The following ERG variants were observed in gnomAD, a reference collection of about 807,000 sequenced individuals.
ERG encodes the protein ETS transcription factor ERG, also known as transcriptional regulator ERG.
ERG carries 9 observed loss-of-function variants against 55.3 expected under a neutral mutation model. That is an observed-to-expected ratio of 0.16 (90% confidence interval 0.10 to 0.28). ERG has a LOEUF of 0.28. Ranked by LOEUF, ERG falls within the 10% of genes least tolerant of loss-of-function variation. The pLI is 1.00. For missense variants in ERG, 434 were observed against 631.6 expected, an observed-to-expected ratio of 0.69 and a Z score of 3.35; for synonymous variants, 223 against 237.3, an observed-to-expected ratio of 0.94 and a Z score of 0.55.
At chr21:38,484,131 A>C (rs1239990398) in intron 1 of ERG, among the ~76,000 whole-genome samples, 1 of 152,082 alleles carries the variant, frequency 6.6e-6, no homozygotes. Context: ...CGCCTGGCTA[A>C]TTTTTTGTAT....
intron 3 of ERG, among the ~76,000 whole-genome samples, chr21:38,419,722 TC>T (rs1989450642): frequency 6.6e-6 from 1 of 152,034 alleles, no homozygotes; most frequent in African/African-American, 2.4e-5. Context: ...CATTTATCCT[TC>T]AGGGACATTT....
intron 2 of ERG, among the ~76,000 whole-genome samples, chr21:38,565,242 T>C (rs768192867): frequency 6.6e-6 from 1 of 152,194 alleles, no homozygotes; most frequent in Non-Finnish European, 1.5e-5. Flanking sequence ...GGCCTCCTAA[T>C]TGGTCTTCCC....
intron 2 of ERG, among the ~76,000 whole-genome samples, chr21:38,507,438 T>A (rs568700394): frequency 6.6e-6 from 1 of 152,344 alleles, no homozygotes; most frequent in East Asian, 1.9e-4. Flanking sequence ...AAGGCAGCCA[T>A]CTTCCCGGAG....
chr21:38,600,070 T>C (rs1308462584), intron 1 of ERG, among the ~76,000 whole-genome samples: 2 of 151,848 alleles, frequency 1.3e-5, no homozygotes, highest in African/African-American at 4.8e-5. Flanking sequence ...AGGCACGAGG[T>C]TGGTGACAGG....
At chr21:38,531,413 T>G (rs1239286630) in intron 2 of ERG, among the ~76,000 whole-genome samples, 1 of 152,184 alleles carries the variant, frequency 6.6e-6, no homozygotes. Flanking sequence ...AAATCACCAT[T>G]TACAGTGTTT....
At chr21:38,637,835 G>A (rs985573581) in intron 1 of ERG, among the ~76,000 whole-genome samples, 1 of 151,704 alleles carries the variant, frequency 6.6e-6, no homozygotes, top group African/African-American at 2.4e-5. Context: ...GTGTGTGTGT[G>A]TACACATGTG....
chr21:38,531,656 T>TA (rs1269458847), intron 2 of ERG, among the ~76,000 whole-genome samples: 1 of 152,202 alleles, frequency 6.6e-6, no homozygotes, highest in Non-Finnish European at 1.5e-5. Context: ...CTCAAGAGAT[T>TA]AAAAATCATG....
At chr21:38,536,922 A>C (rs1422153760) in intron 2 of ERG, among the ~76,000 whole-genome samples, 1 of 152,206 alleles carries the variant, frequency 6.6e-6, no homozygotes, top group Non-Finnish European at 1.5e-5. Flanking sequence ...AGTAAAATTC[A>C]ATGTGTCCTT....
intron 2 of ERG, among the ~76,000 whole-genome samples, chr21:38,539,139 A>G (rs1395264340): frequency 6.6e-6 from 1 of 152,240 alleles, no homozygotes; most frequent in Non-Finnish European, 1.5e-5. Flanking sequence ...TGTGATGTTT[A>G]TCATTCTTCA....
In ERG at chr21:38,382,277, A is replaced by G. The variant is rs1987477197; in HGVS notation, c.*1126T>C. 9.5e-7 allele frequency: 1 copy of G among 1,052,962 alleles called. No homozygotes were observed. The highest frequency in any genetic ancestry group is 1.7e-5 in the African/African-American group (1 of 60,384). The allele number at this position is 1,052,962 out of a possible 1,614,324, so 65.2% of individuals were successfully genotyped here. A position where few individuals can be genotyped will look rare whatever the true frequency, so the allele number is the denominator to read the frequency against. On this transcript the variant is annotated 3_prime_UTR_variant, in exon 10 of 10. Coordinates refer to ENST00000288319, the MANE Select transcript of ERG (RefSeq NM_182918.4). ...TTGTATACTTCATTCTGACAAACGC[A>G]CAGCGTTCGCGACTCAAAGGAAAAC...
At chr21:38,555,916 T>C (rs111569767) in intron 2 of ERG, among the ~76,000 whole-genome samples, 1,804 of 152,322 alleles carry the variant, frequency 0.012, 13 homozygotes, top group Non-Finnish European at 0.02. Flanking sequence ...TTTTGGACAG[T>C]TGCATATTCT....
At chr21:38,468,982 CAAAA>C (rs1261630693) in intron 1 of ERG, among the ~76,000 whole-genome samples, 12 of 29,016 alleles carry the variant, frequency 4.1e-4, no homozygotes, top group South Asian at 1.5e-3. Context: ...GACTCTGTCT[CAAAA>C]AAAAAAAAAA....
rs760206155 is a variant in ERG at position 38,445,555 on chromosome 21, C to T, written c.85G>A (p.Ala29Thr). Residue 29 changes from alanine (A) to threonine (T), a missense_variant, in exon 2 of 10, where the codon GCT (alanine) becomes ACT (threonine). Around this residue, in one of 5 missense-constraint regions of ERG, gnomAD observed 212 missense variants for 262.9 expected, o/e 0.81. Transcript: ENST00000288319. ...GAGGACGCGGTCATCTCTGTCTTAG[C>T]CAGGTGTGGCGTTCCGTAGGCACAC... Reference protein sequence around the residue: ...FECAYGTPHLAKTEMTASSSS... With the variant: ...FECAYGTPHLTKTEMTASSSS... The T allele has an allele frequency of 6.8e-6, 11 of 1,613,958 alleles. No individual in the cohort carries two copies. The highest frequency in any genetic ancestry group is 9.3e-6 in the Non-Finnish European group (11 of 1,180,038).
chr21:38,590,383 T>C (rs1022226637), intron 1 of ERG, among the ~76,000 whole-genome samples: 12 of 152,150 alleles, frequency 7.9e-5, no homozygotes, highest in Admixed American at 5.2e-4. Flanking sequence ...AGGGAAGTGT[T>C]CTCCAAGGAA....
At chr21:38,402,773 A>AC in intron 4 of ERG, 136 bp from the exon 5 acceptor site, 1 of 635,758 alleles carries the variant, frequency 1.6e-6, no homozygotes. Flanking sequence ...CCACTCCCAC[A>AC]CTAACATCAT....
chr21:38,424,517 A>C (rs1254087800), intron 2 of ERG, among the ~76,000 whole-genome samples: 1 of 151,700 alleles, frequency 6.6e-6, no homozygotes, highest in Non-Finnish European at 1.5e-5. Context: ...TCATGTCAAA[A>C]CTCCATCTGT....
At chr21:38,475,715 G>C (rs1334841845) in intron 1 of ERG, among the ~76,000 whole-genome samples, 1 of 152,032 alleles carries the variant, frequency 6.6e-6, no homozygotes, top group Non-Finnish European at 1.5e-5. Flanking sequence ...CCCTCCTAAG[G>C]CTCCTGACTT....
At chr21:38,575,647 C>T in intron 2 of ERG, 1 of 1,609,796 alleles carries the variant, frequency 6.2e-7, no homozygotes, top group Non-Finnish European at 8.5e-7. Flanking sequence ...GCTTCCCAGC[C>T]AAGACGGGAC....
chr21:38,636,546 C>G (rs2060390113), intron 1 of ERG, among the ~76,000 whole-genome samples: 1 of 152,132 alleles, frequency 6.6e-6, no homozygotes, highest in Non-Finnish European at 1.5e-5. Context: ...TTTACTCAAG[C>G]CAAGGAATGA....
Sources: gnomAD v4.1 joint callset for allele counts (sites outside exome capture counted in the v4.1 genomes callset) on GRCh38, gnomAD v4.1.1 for gene constraint, gnomAD v4.1.1 regional missense constraint, MANE v1.5 for transcripts, NCBI Gene and HGNC (gene_info 2026-07-23, HGNC 2026-07-21) for gene names.